The following GMDS variants were observed in gnomAD, a reference collection of about 807,000 sequenced individuals.
The protein encoded by GMDS is GDP-mannose 4,6-dehydratase.
Under a neutral mutation model 49.9 loss-of-function variants are expected in GMDS, and 20 were observed. That is an observed-to-expected ratio of 0.40 (90% CI 0.28 to 0.58). The LOEUF (loss-of-function observed/expected upper bound fraction) is 0.58, where lower values mean the gene tolerates loss of function less well. Among genes scored for constraint, GMDS ranks in the 20% least tolerant of loss-of-function variants. The pLI, the probability that GMDS is intolerant of heterozygous loss-of-function variation, is 0.42. For missense variants in GMDS, 362 were observed against 481.4 expected (o/e 0.75, Z 2.32); for synonymous variants, 177 against 178.6 (o/e 0.99, Z 0.07).
intron 7 of GMDS, among the ~76,000 whole-genome samples, chr6:1,920,408 C>A (rs1207706970): frequency 6.6e-6 from 1 of 152,200 alleles, no homozygotes; most frequent in East Asian, 1.9e-4. Flanking sequence ...CTTTAGCATG[C>A]ATTCAAAAAC....
At chr6:1,792,186 T>C (rs962520134) in intron 7 of GMDS, among the ~76,000 whole-genome samples, 1 of 152,168 alleles carries the variant, frequency 6.6e-6, no homozygotes, top group Non-Finnish European at 1.5e-5. Context: ...TAGTATAACA[T>C]GATTTCATTC....
At chr6:1,924,524 G>A (rs895656184) in intron 7 of GMDS, among the ~76,000 whole-genome samples, 2 of 152,144 alleles carry the variant, frequency 1.3e-5, no homozygotes, top group Non-Finnish European at 2.9e-5. Context: ...AAGATACTCT[G>A]GCCCAGCTCC....
chr6:2,059,893 G>A (rs1005151677), intron 4 of GMDS, among the ~76,000 whole-genome samples: 2 of 151,744 alleles, frequency 1.3e-5, no homozygotes, highest in Admixed American at 6.6e-5. Context: ...CTAAATGAAA[G>A]TAGGACTGCC....
intron 7 of GMDS, among the ~76,000 whole-genome samples, chr6:1,924,235 C>G (rs538223482): frequency 6.6e-6 from 1 of 152,340 alleles, no homozygotes; most frequent in Non-Finnish European, 1.5e-5. Context: ...ATGATTCAGT[C>G]TGTGCTCACT....
intron 7 of GMDS, among the ~76,000 whole-genome samples, chr6:1,761,010 G>A (rs1768134812): frequency 6.6e-6 from 1 of 152,192 alleles, no homozygotes; most frequent in South Asian, 2.1e-4. Flanking sequence ...GATTGTAACT[G>A]TAACATTTGA....
rs146879552 is a variant in GMDS, at chr6:2,135,567, G to A, written c.103-10836C>T. ...TACATTTGAGTTTCTATAATCTAGC[G>A]AGAGGACAAGGAAACAACACATCTA... On this transcript the variant is annotated intron_variant, in intron 1 of 10. Coordinates refer to ENST00000380815, the MANE Select transcript of GMDS (RefSeq NM_001500.4). Among the ~76,000 whole-genome samples the A allele has an allele frequency of 7.2e-4, 108 of 150,024 alleles. 1 individual carries two copies. Among genetic ancestry groups the A allele is most frequent in the African/African-American group, 2.4e-3 (100 of 40,968 alleles).
intron 7 of GMDS, among the ~76,000 whole-genome samples, chr6:1,824,601 G>C (rs1157675): frequency 0.42 from 63,984 of 151,820 alleles, 13,715 homozygotes; most frequent in Admixed American, 0.53. Flanking sequence ...CAGAGTGTAA[G>C]CATGTGGGTA....
At chr6:2,199,479 T>G (rs1779411164) in intron 1 of GMDS, among the ~76,000 whole-genome samples, 1 of 152,208 alleles carries the variant, frequency 6.6e-6, no homozygotes. Flanking sequence ...TGCCTTCAAA[T>G]GCCTCCACTC....
At chr6:1,633,663 T>TG (rs1763062667) in intron 9 of GMDS, among the ~76,000 whole-genome samples, 1 of 152,056 alleles carries the variant, frequency 6.6e-6, no homozygotes, top group Non-Finnish European at 1.5e-5. Context: ...GAGGGTCTCT[T>TG]GGGGACACTG....
At chr6:2,091,385 A>C (rs1773303289) in intron 4 of GMDS, among the ~76,000 whole-genome samples, 1 of 152,234 alleles carries the variant, frequency 6.6e-6, no homozygotes, top group African/African-American at 2.4e-5. Flanking sequence ...ATAAATGTTA[A>C]GTGATAATGA....
chr6:2,140,943 C>T (rs964752278), intron 1 of GMDS, among the ~76,000 whole-genome samples: 1 of 152,158 alleles, frequency 6.6e-6, no homozygotes, highest in Admixed American at 6.5e-5. Context: ...GATGGAACCA[C>T]CTCCTCTGGG....
chr6:2,059,124 C>T (rs1432597745), intron 4 of GMDS, among the ~76,000 whole-genome samples: 1 of 138,260 alleles, frequency 7.2e-6, no homozygotes, highest in East Asian at 2.1e-4. Flanking sequence ...TATAGTGAGC[C>T]GAGATCACGC....
intron 9 of GMDS, among the ~76,000 whole-genome samples, chr6:1,684,210 G>A (rs529188644): frequency 2.8e-4 from 42 of 152,248 alleles, no homozygotes; most frequent in African/African-American, 6.7e-4. Flanking sequence ...CGCTGAAGTC[G>A]TATGGAAACA....
chr6:1,645,335 G>A (rs1192806946), intron 9 of GMDS, among the ~76,000 whole-genome samples: 1 of 152,172 alleles, frequency 6.6e-6, no homozygotes. Context: ...TCAGTCACCC[G>A]TGCTGTGCCT....
chr6:1,795,636 G>T (rs1197864301), intron 7 of GMDS, among the ~76,000 whole-genome samples: 1 of 152,112 alleles, frequency 6.6e-6, no homozygotes, highest in Non-Finnish European at 1.5e-5. Context: ...AATATGCTTT[G>T]AATGCAAATA....
chr6:1,914,300 CAA>C (rs889484580), intron 7 of GMDS, among the ~76,000 whole-genome samples: 8 of 151,094 alleles, frequency 5.3e-5, no homozygotes, highest in African/African-American at 1.9e-4. Context: ...ACTAAAAATA[CAA>C]AAAGTTAGCC....
At chr6:1,950,272 T>C (rs995021847) in intron 6 of GMDS, among the ~76,000 whole-genome samples, 1 of 152,230 alleles carries the variant, frequency 6.6e-6, no homozygotes, top group Non-Finnish European at 1.5e-5. Context: ...ATTAGTATAA[T>C]CCTATGCATT....
chr6:1,783,827 A>G (rs1769205892), intron 7 of GMDS, among the ~76,000 whole-genome samples: 1 of 152,194 alleles, frequency 6.6e-6, no homozygotes, highest in Non-Finnish European at 1.5e-5. Context: ...ACATACTAAA[A>G]GGCCATGAGG....
intron 7 of GMDS, among the ~76,000 whole-genome samples, chr6:1,764,418 T>C (rs138347319): frequency 1.4e-3 from 219 of 152,320 alleles, no homozygotes; most frequent in African/African-American, 5.1e-3. Context: ...GAAAAGAACT[T>C]GGACTGAAGT....
Sources: gnomAD v4.1 joint callset for allele counts (sites outside exome capture counted in the v4.1 genomes callset) on GRCh38, gnomAD v4.1.1 for gene constraint, MANE v1.5 for transcripts, NCBI Gene and HGNC (gene_info 2026-07-23, HGNC 2026-07-21) for gene names.